Variants in SRGAP3 observed in about 807,000 individuals in gnomAD.
The protein encoded by SRGAP3 is SLIT-ROBO Rho GTPase activating protein 3, also known as SLIT-ROBO Rho GTPase-activating protein 3.
In SRGAP3, 39 loss-of-function variants were observed where a neutral mutation model predicts 121.1. The ratio of observed to expected loss-of-function variants is 0.32; its 90% CI spans 0.25 to 0.42. The LOEUF is 0.42. Among genes scored for constraint, SRGAP3 ranks in the 10% least tolerant of loss-of-function variants. The probability of loss-of-function intolerance (pLI) is 1.00; values close to 1 mark genes in which losing one functional copy is unlikely to be tolerated. For synonymous variants in SRGAP3, 601 were observed against 570.0 expected, an observed-to-expected ratio of 1.05 and a Z score of -0.77; for missense variants, 1,213 against 1,470.6, an observed-to-expected ratio of 0.82 and a Z score of 2.86.
intron 18 of SRGAP3, among the ~76,000 whole-genome samples, chr3:9,004,375 T>A (rs1490389245): frequency 1.3e-5 from 2 of 152,244 alleles, no homozygotes; most frequent in Non-Finnish European, 2.9e-5. Flanking sequence ...ATGCAATCCC[T>A]ATCAGAATCC....
chr3:9,203,608 T>C (rs1952147305), intron 1 of SRGAP3, among the ~76,000 whole-genome samples: 1 of 152,134 alleles, frequency 6.6e-6, no homozygotes, highest in Non-Finnish European at 1.5e-5. Context: ...GCTGCTACCC[T>C]CTAAATTGCA....
chr3:9,089,448 T>C (rs547361436), intron 3 of SRGAP3, among the ~76,000 whole-genome samples: 1 of 152,032 alleles, frequency 6.6e-6, no homozygotes, highest in South Asian at 2.1e-4. Flanking sequence ...CCTTAGGACC[T>C]AGTTCAAGAT....
intron 1 of SRGAP3, among the ~76,000 whole-genome samples, chr3:9,167,437 T>A (rs550947453): frequency 5.9e-5 from 9 of 152,332 alleles, no homozygotes; most frequent in African/African-American, 1.9e-4. Context: ...TCTACCTATG[T>A]TCCCCTGCAG....
At chr3:9,255,020 A>G (rs915101143) in intron 3 of SRGAP3, among the ~76,000 whole-genome samples, 20 of 82,038 alleles carry the variant, frequency 2.4e-4, no homozygotes, top group Non-Finnish European at 4.2e-4. Context: ...AGGAAAAAGA[A>G]AGAGAAAGAA....
chr3:9,100,614 A>G (rs1948178944), intron 3 of SRGAP3, among the ~76,000 whole-genome samples: 2 of 152,324 alleles, frequency 1.3e-5, no homozygotes, highest in South Asian at 4.1e-4. Context: ...GTAAATATGA[A>G]GAAACACAAA....
intron 4 of SRGAP3, among the ~76,000 whole-genome samples, chr3:9,072,435 G>A (rs1946764510): frequency 2.0e-5 from 3 of 152,204 alleles, no homozygotes; most frequent in African/African-American, 7.2e-5. Flanking sequence ...TAGTGAATGG[G>A]TGTCTGGGCA....
At chr3:9,292,098 A>C (rs559022053) in intron 3 of SRGAP3, among the ~76,000 whole-genome samples, 3 of 152,344 alleles carry the variant, frequency 2.0e-5, no homozygotes, top group East Asian at 3.9e-4. Flanking sequence ...TTTTAGGCTG[A>C]ACAGATACCT....
chr3:9,047,513 A>G, intron 9 of SRGAP3, 38 bp from the exon 10 acceptor site: 1 of 1,598,526 alleles, frequency 6.3e-7, no homozygotes, highest in Non-Finnish European at 8.6e-7. Context: ...ATAGATTGCA[A>G]GGCCGAGTAA....
At chr3:9,124,069 A>G (rs1949126240) in intron 2 of SRGAP3, among the ~76,000 whole-genome samples, 1 of 152,150 alleles carries the variant, frequency 6.6e-6, no homozygotes, top group Admixed American at 6.5e-5. Flanking sequence ...GGGAGTTCTA[A>G]GCACAGAAGG....
chr3:9,112,252 C>T (rs1948652143), intron 2 of SRGAP3, among the ~76,000 whole-genome samples: 1 of 152,210 alleles, frequency 6.6e-6, no homozygotes, highest in African/African-American at 2.4e-5. Flanking sequence ...CTTCCTGCCC[C>T]GTTCCAGGAC....
intron 2 of SRGAP3, among the ~76,000 whole-genome samples, chr3:9,328,567 G>C (rs1483509520): frequency 6.6e-6 from 1 of 152,166 alleles, no homozygotes; most frequent in Non-Finnish European, 1.5e-5. Flanking sequence ...GATATTTCTG[G>C]CTTCTGAACT....
intron 1 of SRGAP3, among the ~76,000 whole-genome samples, chr3:9,202,068 G>T (rs1012983128): frequency 3.3e-5 from 5 of 149,864 alleles, no homozygotes; most frequent in African/African-American, 1.2e-4. Context: ...AGGATGGGGG[G>T]AAGGGAGGCG....
intron 9 of SRGAP3, among the ~76,000 whole-genome samples, chr3:9,051,270 A>G (rs928209664): frequency 6.6e-5 from 10 of 152,264 alleles, no homozygotes; most frequent in Admixed American, 3.3e-4. Context: ...TCGGCCTCCC[A>G]AAGTGCTAGG....
chr3:9,025,914 G>A (rs1187150799), intron 13 of SRGAP3, among the ~76,000 whole-genome samples: 1 of 152,102 alleles, frequency 6.6e-6, no homozygotes, highest in East Asian at 1.9e-4. Flanking sequence ...TATAATTTAG[G>A]AAGTATTTAC....
intron 1 of SRGAP3, among the ~76,000 whole-genome samples, chr3:9,136,274 G>A (rs1025253786): frequency 6.6e-6 from 1 of 152,150 alleles, no homozygotes; most frequent in African/African-American, 2.4e-5. Flanking sequence ...ACCGAGAGGC[G>A]GCTTCCGGGA....
intron 1 of SRGAP3, among the ~76,000 whole-genome samples, chr3:9,337,044 T>G (rs1330812222): frequency 6.6e-6 from 1 of 152,120 alleles, no homozygotes; most frequent in Non-Finnish European, 1.5e-5. Context: ...TTCTAAGATC[T>G]GCAAGGTAAA....
At chr3:9,287,880 T>C (rs1033655143) in intron 3 of SRGAP3, among the ~76,000 whole-genome samples, 3 of 152,190 alleles carry the variant, frequency 2.0e-5, no homozygotes, top group Non-Finnish European at 4.4e-5. Context: ...TAAGATCTTT[T>C]CTTTGTCTTG....
At chr3:9,252,478 C>G (rs1954039545), upstream of SRGAP3, among the ~76,000 whole-genome samples, 1 of 147,572 alleles carries the variant, frequency 6.8e-6, no homozygotes, top group Non-Finnish European at 1.5e-5. Context: ...GCAAAATGGA[C>G]TAATACAGGG....
At chr3:9,325,628 C>T (rs1323210918) in intron 3 of SRGAP3, among the ~76,000 whole-genome samples, 2 of 151,916 alleles carry the variant, frequency 1.3e-5, no homozygotes, top group Non-Finnish European at 2.9e-5. Context: ...TGATGTCCTT[C>T]TAGACGAGTG....
Sources: allele counts gnomAD v4.1 joint callset (sites outside exome capture counted in the v4.1 genomes callset), GRCh38; gene constraint gnomAD v4.1.1; transcripts MANE v1.5; gene names NCBI Gene and HGNC (gene_info 2026-07-23, HGNC 2026-07-21).